The following DPF3 variants were observed in gnomAD, a reference collection of about 807,000 sequenced individuals.
The protein encoded by DPF3 is zinc finger protein DPF3.
In DPF3, 18 loss-of-function variants were observed where a neutral mutation model predicts 56.8. The observed-to-expected ratio is 0.32, with a 90% CI of 0.22 to 0.47. The LOEUF (loss-of-function observed/expected upper bound fraction) is 0.47, where lower values mean the gene tolerates loss of function less well. DPF3 is among the 20% of genes least tolerant of loss of function. DPF3 has a pLI of 1.00. For synonymous variants in DPF3, 188 were observed against 180.2 expected (o/e 1.04, Z -0.35); for missense variants, 403 against 488.8 (o/e 0.82, Z 1.65).
intron 1 of DPF3, chr14:72,836,078 A>T: frequency 1.0e-6 from 1 of 985,508 alleles, no homozygotes; most frequent in Non-Finnish European, 1.2e-6. Context: ...AATTAGCACA[A>T]CTTACATGGC....
At chr14:72,836,097 C>G in intron 1 of DPF3, 3 of 985,554 alleles carry the variant, frequency 3.0e-6, no homozygotes, top group Non-Finnish European at 3.6e-6. Context: ...GCCTCCAGGT[C>G]TGCTGTGGAA....
chr14:72,723,662 GA>G lies in DPF3; in HGVS notation c.495del (p.Lys167SerfsTer105). ...GNEEEDLEED[I>X]PKRKNRTRGR... ...CCTCTAGTCCTGTTCTTTCGCTTGGGAATATCCTCTTCCAAATCCTCTTCTT... is the reference window on the plus strand; with the variant it reads ...CCTCTAGTCCTGTTCTTTCGCTTGGGATATCCTCTTCCAAATCCTCTTCTT... On this transcript the variant is annotated frameshift_variant, in exon 5 of 11. Transcript: ENST00000556509. LOFTEE classifies it high-confidence loss of function. The G allele has an allele frequency of 6.3e-7, 1 of 1,589,876 alleles. No individual in the cohort carries two copies. The highest frequency in any genetic ancestry group is 8.5e-7 in the Non-Finnish European group (1 of 1,172,272).
chr14:72,762,500 T>C (rs1567224955), intron 2 of DPF3, among the ~76,000 whole-genome samples: 1 of 151,590 alleles, frequency 6.6e-6, no homozygotes, highest in East Asian at 1.9e-4. Context: ...CATGATCATC[T>C]CAATAGACAC....
intron 3 of DPF3, among the ~76,000 whole-genome samples, chr14:72,740,763 C>G (rs189468530): frequency 1.3e-5 from 2 of 152,330 alleles, no homozygotes; most frequent in Admixed American, 1.3e-4. Context: ...GGAGGCCTTC[C>G]CAGTTCATCT....
intron 6 of DPF3, among the ~76,000 whole-genome samples, chr14:72,700,880 T>C (rs966849727): frequency 6.6e-6 from 1 of 152,260 alleles, no homozygotes; most frequent in Non-Finnish European, 1.5e-5. Flanking sequence ...GAGTCGTGGC[T>C]GTTCTCAGCT....
chr14:72,643,689 C>T (rs1885628407), intron 8 of DPF3, among the ~76,000 whole-genome samples: 1 of 152,234 alleles, frequency 6.6e-6, no homozygotes, highest in South Asian at 2.1e-4. Flanking sequence ...CCTAGGGCTC[C>T]CCCAAGTGAC....
At chr14:72,783,846 G>A (rs570489175) in intron 1 of DPF3, among the ~76,000 whole-genome samples, 70 of 152,274 alleles carry the variant, frequency 4.6e-4, no homozygotes, top group Admixed American at 1.5e-3. Context: ...GAGCTGATCC[G>A]TGTCCTCCTG....
intron 1 of DPF3, among the ~76,000 whole-genome samples, chr14:72,868,980 T>C (rs1291640700): frequency 6.6e-6 from 1 of 152,098 alleles, no homozygotes; most frequent in Non-Finnish European, 1.5e-5. Context: ...TTACTGCCCT[T>C]AGGATAAAGT....
At chr14:72,835,861 G>A (rs1884269583) in intron 1 of DPF3, among the ~76,000 whole-genome samples, 1 of 152,174 alleles carries the variant, frequency 6.6e-6, no homozygotes, top group Admixed American at 6.5e-5. Context: ...GGACAGGAAA[G>A]GAGAAATGGT....
At chr14:72,670,551 T>G (rs1599342020) in intron 8 of DPF3, 1 of 987,306 alleles carries the variant, frequency 1.0e-6, no homozygotes, top group Non-Finnish European at 1.2e-6. Context: ...CACAGAATAG[T>G]GCAACCGTCT....
intron 2 of DPF3, among the ~76,000 whole-genome samples, chr14:72,766,016 C>T (rs78630801): frequency 1.1e-4 from 16 of 152,130 alleles, no homozygotes; most frequent in East Asian, 1.9e-4. Flanking sequence ...CATGGAGAAG[C>T]GCAGGAAGGA....
intron 1 of DPF3, among the ~76,000 whole-genome samples, chr14:72,889,992 T>A (rs1012361801): frequency 2.0e-5 from 3 of 152,196 alleles, no homozygotes; most frequent in African/African-American, 7.2e-5. Flanking sequence ...AATTTAATAA[T>A]AATAATTTTT....
intron 1 of DPF3, among the ~76,000 whole-genome samples, chr14:72,808,616 G>A (rs1882895721): frequency 6.6e-6 from 1 of 152,208 alleles, no homozygotes; most frequent in African/African-American, 2.4e-5. Context: ...CTCTTAGGAT[G>A]AGGTAGTGTT....
chr14:72,680,558 G>A (rs555078957), intron 7 of DPF3, among the ~76,000 whole-genome samples: 14 of 152,378 alleles, frequency 9.2e-5, no homozygotes, highest in Admixed American at 3.9e-4. Context: ...TGAGGACACC[G>A]TGAATATATG....
intron 1 of DPF3, among the ~76,000 whole-genome samples, chr14:72,877,844 T>A (rs1289026030): frequency 1.3e-5 from 2 of 152,132 alleles, no homozygotes; most frequent in Non-Finnish European, 2.9e-5. Flanking sequence ...CAGAGACATG[T>A]GTAATTAGAT....
At chr14:72,645,960 G>A (rs1207162920) in intron 8 of DPF3, among the ~76,000 whole-genome samples, 1 of 152,106 alleles carries the variant, frequency 6.6e-6, no homozygotes, top group Non-Finnish European at 1.5e-5. Context: ...CATCCCCTGG[G>A]GGCTGGTTAG....
At chr14:72,777,263 C>T (rs931126539) in intron 1 of DPF3, among the ~76,000 whole-genome samples, 4 of 152,222 alleles carry the variant, frequency 2.6e-5, no homozygotes, top group African/African-American at 9.6e-5. Context: ...TAACTTCCTG[C>T]TATTTGCATT....
chr14:72,719,382 G>A (rs1192247768), intron 5 of DPF3, among the ~76,000 whole-genome samples: 2 of 152,082 alleles, frequency 1.3e-5, no homozygotes, highest in Non-Finnish European at 2.9e-5. Flanking sequence ...GCTATTTAAA[G>A]TGTGGTCCTG....
chr14:72,708,755 C>T (rs1020743496), intron 6 of DPF3, among the ~76,000 whole-genome samples: 1 of 152,194 alleles, frequency 6.6e-6, no homozygotes, highest in Non-Finnish European at 1.5e-5. Flanking sequence ...TCCACCCATC[C>T]CATCGCACCT....
Sources: allele counts gnomAD v4.1 joint callset (sites outside exome capture counted in the v4.1 genomes callset), GRCh38; gene constraint gnomAD v4.1.1; transcripts MANE v1.5; gene names NCBI Gene and HGNC (gene_info 2026-07-23, HGNC 2026-07-21).